SLC60A1: variants seen among roughly 807,000 people sequenced by gnomAD.
SLC60A1 encodes solute carrier family 60 member 1.
chr1:205,571,485 T>G, the SLC60A1 span, among the ~76,000 whole-genome samples: 1 of 152,294 alleles, frequency 6.6e-6, no homozygotes, highest in South Asian at 2.1e-4. Context: ...GCTGGGATCT[T>G]TTTGGGGTGG....
At chr1:205,585,759 G>T in the SLC60A1 span, among the ~76,000 whole-genome samples, 60 of 151,994 alleles carry the variant, frequency 3.9e-4, no homozygotes, top group Non-Finnish European at 6.8e-4. This position sits in a 1 kb window ranked among gnomAD's most constrained non-coding sequence, Gnocchi z 4.2. Flanking sequence ...CAGGCCCTGC[G>T]GGCACTCCCA....
chr1:205,578,283 T>C, the SLC60A1 span, among the ~76,000 whole-genome samples: 6 of 152,154 alleles, frequency 3.9e-5, no homozygotes, highest in Non-Finnish European at 8.8e-5. Context: ...CCTAGGAGGC[T>C]GCCTAGTCTG....
the SLC60A1 span, among the ~76,000 whole-genome samples, chr1:205,580,225 CCT>C: frequency 3.9e-5 from 6 of 152,092 alleles, no homozygotes; most frequent in African/African-American, 1.4e-4. The surrounding 1 kb of genome is among the most constrained non-coding windows in gnomAD (Gnocchi z 5.0). Flanking sequence ...CCCCTCCTTC[CCT>C]CTCTCTCCTT....
the SLC60A1 span, chr1:205,579,997 G>A: frequency 7.1e-5 from 112 of 1,567,378 alleles, 3 homozygotes; most frequent in African/African-American, 9.6e-4. Context: ...GAGGGCATGG[G>A]AGCTCCCTAG....
chr1:205,598,214 C>G, the SLC60A1 span: 2 of 196,688 alleles, frequency 1.0e-5, no homozygotes, highest in African/African-American at 4.7e-5. Flanking sequence ...CCACCACTCC[C>G]TACCCCACCT....
chr1:205,597,742 A>C, the SLC60A1 span: 2 of 1,609,722 alleles, frequency 1.2e-6, no homozygotes, highest in Non-Finnish European at 1.7e-6. Flanking sequence ...TGTCTCCTTA[A>C]CTTGCTTTTA....
the SLC60A1 span, chr1:205,599,063 G>A: frequency 1.3e-6 from 2 of 1,590,356 alleles, no homozygotes; most frequent in Non-Finnish European, 1.7e-6. Flanking sequence ...GGAGAAGGCT[G>A]CTTCCTCCGA....
At chr1:205,584,030 C>T in the SLC60A1 span, 1 of 1,614,088 alleles carries the variant, frequency 6.2e-7, no homozygotes, top group Admixed American at 1.7e-5. Context: ...GAGGAGGCCC[C>T]TGCTTCTGTC....
chr1:205,600,644 A>C, the SLC60A1 span: 2 of 596,236 alleles, frequency 3.4e-6, no homozygotes, highest in East Asian at 5.7e-5. Flanking sequence ...AATCATTAGA[A>C]GTTTACCTGG....
chr1:205,571,110 A>G, the SLC60A1 span, among the ~76,000 whole-genome samples: 1 of 152,250 alleles, frequency 6.6e-6, no homozygotes, highest in African/African-American at 2.4e-5. Context: ...TTTATTCTGC[A>G]CTTACTGTGT....
chr1:205,580,872 G>C, the SLC60A1 span: 1 of 1,614,118 alleles, frequency 6.2e-7, no homozygotes, highest in Non-Finnish European at 8.5e-7. The surrounding 1 kb of genome is among the most constrained non-coding windows in gnomAD (Gnocchi z 5.0). Context: ...CCAAAGGACG[G>C]GGCAGGGACC....
At chr1:205,584,723 G>A in the SLC60A1 span, among the ~76,000 whole-genome samples, 708 of 152,098 alleles carry the variant, frequency 4.7e-3, 7 homozygotes, top group African/African-American at 0.016. Flanking sequence ...GAGATGGACA[G>A]GGGTTATTCC....
chr1:205,576,263 T>C, the SLC60A1 span, among the ~76,000 whole-genome samples: 2 of 152,088 alleles, frequency 1.3e-5, no homozygotes, highest in Non-Finnish European at 2.9e-5. Flanking sequence ...TCAGTGCAGT[T>C]CTCTGGGCCC....
the SLC60A1 span, chr1:205,584,802 C>A: frequency 7.2e-7 from 1 of 1,390,902 alleles, no homozygotes; most frequent in Non-Finnish European, 1.0e-6. Context: ...TGACTGCCAG[C>A]CACGGCCCTG....
the SLC60A1 span, chr1:205,592,385 A>G: frequency 8.8e-7 from 1 of 1,140,652 alleles, no homozygotes; most frequent in Non-Finnish European, 1.2e-6. Context: ...TTTTTTTTTA[A>G]TTTTATTATT....
At chr1:205,581,044 C>G in the SLC60A1 span, 26 of 1,314,720 alleles carry the variant, frequency 2.0e-5, no homozygotes, top group Non-Finnish European at 2.7e-5. The surrounding 1 kb of genome is among the most constrained non-coding windows in gnomAD (Gnocchi z 4.2). Flanking sequence ...GGTGTGCATC[C>G]CAGAGGCAGG....
chr1:205,573,434 A>C, the SLC60A1 span, among the ~76,000 whole-genome samples: 8 of 152,156 alleles, frequency 5.3e-5, no homozygotes, highest in African/African-American at 1.9e-4. Flanking sequence ...AAAGAAAAAA[A>C]AAAAGTGGTA....
the SLC60A1 span, chr1:205,569,097 C>T: frequency 6.6e-7 from 1 of 1,510,868 alleles, no homozygotes; most frequent in Admixed American, 2.1e-5. Flanking sequence ...CGTGTCGGGG[C>T]TGCTCCGCCG....
the SLC60A1 span, chr1:205,584,015 C>A: frequency 6.2e-7 from 1 of 1,614,050 alleles, no homozygotes; most frequent in African/African-American, 1.3e-5. Flanking sequence ...GACCTGCTGT[C>A]CCCAGAGGAG....
Sources: allele counts gnomAD v4.1 joint callset (sites outside exome capture counted in the v4.1 genomes callset), GRCh38; gene constraint gnomAD v4.1.1; non-coding constraint Gnocchi (gnomAD v3.1); transcripts MANE v1.5; gene names NCBI Gene and HGNC (gene_info 2026-07-23, HGNC 2026-07-21).